HUNK: variants seen among roughly 807,000 people sequenced by gnomAD.
The protein encoded by HUNK is hormonally up-regulated Neu-associated kinase.
A neutral mutation model predicts 61.0 loss-of-function variants in HUNK; 21 were observed. The observed-to-expected ratio is 0.34, with a 90% CI of 0.24 to 0.50. HUNK has a LOEUF of 0.50. Ranked by LOEUF, HUNK falls within the 20% of genes least tolerant of loss-of-function variation. The pLI, the probability that HUNK is intolerant of heterozygous loss-of-function variation, is 0.98. For missense variants in HUNK, 772 were observed against 945.7 expected (o/e 0.82, Z 2.41); for synonymous variants, 371 against 386.1 (o/e 0.96, Z 0.46).
chr21:31,979,200 C>T (rs1205282882), intron 7 of HUNK, among the ~76,000 whole-genome samples: 1 of 150,930 alleles, frequency 6.6e-6, no homozygotes, highest in East Asian at 2.0e-4. Context: ...CTTACTGCAA[C>T]CTCTGCCTCC....
intron 8 of HUNK, among the ~76,000 whole-genome samples, chr21:31,989,132 C>A (rs1346696731): frequency 6.6e-6 from 1 of 152,108 alleles, no homozygotes; most frequent in Admixed American, 6.6e-5. Context: ...CAAATTTCCA[C>A]ATTTTTAAAG....
intron 1 of HUNK, among the ~76,000 whole-genome samples, chr21:31,915,118 A>G (rs575537925): frequency 6.6e-6 from 1 of 151,030 alleles, no homozygotes; most frequent in African/African-American, 2.4e-5. Context: ...CAAATACTCC[A>G]GTGACCATTT....
Position 31,924,554 on chromosome 21 carries a change from G to A in HUNK, c.348G>A (p.Gln116=), listed in dbSNP as rs772179174. The A allele has an allele frequency of 6.2e-7, 1 of 1,614,186 alleles. No individual in the cohort carries two copies. The highest frequency in any genetic ancestry group is 2.2e-5 in the East Asian group (1 of 44,884). The change falls in exon 2 of 11, where the codon CAG becomes CAA. Residue 116 remains glutamine, a synonymous_variant. Transcript: ENST00000270112. This position sits in a 1 kb window ranked among gnomAD's most constrained non-coding sequence, Gnocchi z 5.1. ...KNLRREGQIQ[Q]MIRHPNITQL... The stretch of plus-strand genomic sequence containing the variant: ...TGCGGCGAGAGGGTCAGATCCAGCA[G>A]ATGATCCGCCACCCCAATATCACTC...
At chr21:31,987,210 A>G (rs7276929) in intron 8 of HUNK, among the ~76,000 whole-genome samples, 2,425 of 152,308 alleles carry the variant, frequency 0.016, 63 homozygotes, top group African/African-American at 0.055. Context: ...AGCCTAGCAC[A>G]CATATGACGT....
chr21:31,883,333 A>C (rs1466482118), intron 1 of HUNK, among the ~76,000 whole-genome samples: 1 of 152,106 alleles, frequency 6.6e-6, no homozygotes, highest in Non-Finnish European at 1.5e-5. Flanking sequence ...AATCGAGTGT[A>C]TTAAACATGG....
At position 31,983,556 on chromosome 21, in the gene HUNK, A is replaced by G. The variant is rs755187011; in HGVS notation, c.1204A>G (p.Lys402Glu). Residue 402 changes from lysine (K) to glutamate (E), a missense_variant, in exon 8 of 11, where the codon AAG becomes GAG. Lys to Glu is a moderately conservative substitution (Grantham distance 56). Coordinates refer to ENST00000270112, the MANE Select transcript of HUNK (RefSeq NM_014586.2). ...TGACATCCAGGACAGCCTCTGCTAC[A>G]AGACCCGGCTCTACCAGATAGAAAA... ...KSDIQDSLCY[K>E]TRLYQIEKYR... is the part of the protein sequence containing the mutation. 2 of 1,613,808 alleles carry G rather than the reference A, an allele frequency of 1.2e-6. No individual in the cohort carries two copies. The highest frequency in any genetic ancestry group is 1.1e-5 in the South Asian group (1 of 91,062).
intron 3 of HUNK, among the ~76,000 whole-genome samples, chr21:31,941,400 G>A (rs915418757): frequency 9.3e-5 from 14 of 150,962 alleles, no homozygotes; most frequent in African/African-American, 3.4e-4. Flanking sequence ...TCTGCCTCCC[G>A]GGTTCAAGCG....
intron 8 of HUNK, among the ~76,000 whole-genome samples, chr21:31,984,748 G>A (rs1468083671): frequency 1.3e-5 from 2 of 152,064 alleles, no homozygotes; most frequent in Non-Finnish European, 1.5e-5. Context: ...GATTTTCCTG[G>A]GAACCACCTT....
chr21:31,917,759 C>T (rs1402666689), intron 1 of HUNK, among the ~76,000 whole-genome samples: 1 of 148,494 alleles, frequency 6.7e-6, no homozygotes, highest in South Asian at 2.1e-4. Context: ...CACACACACC[C>T]CTGGACTGAA....
At chr21:31,917,752 ACACACC>A (rs2052595204) in intron 1 of HUNK, among the ~76,000 whole-genome samples, 2 of 127,840 alleles carry the variant, frequency 1.6e-5, no homozygotes, top group Non-Finnish European at 3.5e-5. Context: ...ACACACACAC[ACACACC>A]CCTGGACTGA....
intron 1 of HUNK, among the ~76,000 whole-genome samples, chr21:31,876,210 G>C (rs1288675162): frequency 6.6e-6 from 1 of 152,190 alleles, no homozygotes; most frequent in Non-Finnish European, 1.5e-5. Flanking sequence ...GGGTAAGGAT[G>C]GTGGTTCTTT....
intron 8 of HUNK, among the ~76,000 whole-genome samples, chr21:31,989,859 T>G (rs1349258200): frequency 2.6e-5 from 4 of 152,070 alleles, no homozygotes; most frequent in African/African-American, 9.7e-5. Context: ...CTTTGCTGTT[T>G]GAGAAAACAT....
chr21:31,958,306 C>CTTTCTTTCT (rs1555879846), intron 4 of HUNK, among the ~76,000 whole-genome samples: 1 of 150,614 alleles, frequency 6.6e-6, no homozygotes, highest in Non-Finnish European at 1.5e-5. Context: ...TTCTTTCTTT[C>CTTTCTTTCT]TTTTTTTTTG....
At chr21:31,951,598 CACACA>C (rs1450260057) in intron 4 of HUNK, among the ~76,000 whole-genome samples, 2 of 152,090 alleles carry the variant, frequency 1.3e-5, no homozygotes, top group Non-Finnish European at 2.9e-5. Flanking sequence ...TGGAGAGTCA[CACACA>C]ACACACTCAG....
intron 4 of HUNK, among the ~76,000 whole-genome samples, chr21:31,955,314 G>A (rs993853352): frequency 0.35 from 39 of 110 alleles, no homozygotes; most frequent in South Asian, 0.5. Flanking sequence ...AAGCAGGGCC[G>A]GGCGCGGTGC....
intron 2 of HUNK, among the ~76,000 whole-genome samples, chr21:31,935,573 T>C (rs572862654): frequency 3.2e-4 from 49 of 152,148 alleles, no homozygotes; most frequent in Non-Finnish European, 6.6e-4. Context: ...CTGTCCTTTT[T>C]TCCCTCTCAC....
intron 9 of HUNK, among the ~76,000 whole-genome samples, chr21:31,992,930 G>T (rs1014033839): frequency 6.6e-6 from 1 of 152,164 alleles, no homozygotes; most frequent in African/African-American, 2.4e-5. Context: ...AGCAGGTGGG[G>T]TGAATTTCTT....
intron 1 of HUNK, among the ~76,000 whole-genome samples, chr21:31,875,923 A>G (rs1389788997): frequency 6.6e-6 from 1 of 152,116 alleles, no homozygotes; most frequent in Non-Finnish European, 1.5e-5. Context: ...TTGCACCATA[A>G]AACTCTTGGC....
chr21:31,921,875 C>T (rs1397643398), intron 1 of HUNK, among the ~76,000 whole-genome samples: 4 of 152,098 alleles, frequency 2.6e-5, no homozygotes, highest in East Asian at 3.8e-4. Context: ...CAGATAACCG[C>T]GTGTGCTTAT....
Sources: allele counts gnomAD v4.1 joint callset (sites outside exome capture counted in the v4.1 genomes callset), GRCh38; gene constraint gnomAD v4.1.1; non-coding constraint Gnocchi (gnomAD v3.1); transcripts MANE v1.5; gene names NCBI Gene and HGNC (gene_info 2026-07-23, HGNC 2026-07-21).